Variants in MBP observed in about 807,000 individuals in gnomAD.
MBP encodes the protein Golli-MBP.
MBP carries 16 observed loss-of-function variants against 35.8 expected under a neutral mutation model. The observed-to-expected ratio is 0.45, with a 90% confidence interval of 0.30 to 0.68. MBP has a LOEUF of 0.68. MBP is among the 30% of genes least tolerant of loss of function. The pLI is 0.08. For missense variants in MBP, 380 were observed against 404.7 expected, an observed-to-expected ratio of 0.94 and a Z score of 0.52; for synonymous variants, 143 against 159.6, an observed-to-expected ratio of 0.90 and a Z score of 0.78.
At chr18:76,995,587 T>C (rs2123214814) in intron 4 of MBP, among the ~76,000 whole-genome samples, 1 of 151,474 alleles carries the variant, frequency 6.6e-6, no homozygotes, top group South Asian at 2.2e-4. Context: ...CACTGTCTTC[T>C]CAACAAACAG....
chr18:77,078,820 T>C (rs540492316), intron 2 of MBP, among the ~76,000 whole-genome samples: 122 of 152,304 alleles, frequency 8.0e-4, no homozygotes, highest in African/African-American at 2.8e-3. Flanking sequence ...ACTCCACCAA[T>C]GAGGATGCCC....
At position 77,131,901 on chromosome 18, in the gene MBP, G is replaced by C. The variant is rs968382622; in HGVS notation, c.-26+679C>G. Among the ~76,000 whole-genome samples, 2 of 152,086 alleles carry C rather than the reference G, an allele frequency of 1.3e-5. No homozygotes were observed. The highest frequency in any genetic ancestry group is 2.4e-5 in the African/African-American group (1 of 41,446). ...GGTGGGCGCAGCGACGGGCCCGGCC[G>C]AAGAGCCCGAGACAGGCCCTGCGAA... On this transcript the variant is annotated intron_variant, in intron 1 of 8. Coordinates refer to ENST00000355994, the MANE Select transcript of MBP (RefSeq NM_001025101.2). The surrounding 1 kb of genome is among the most constrained non-coding windows in gnomAD (Gnocchi z 5.5).
intron 1 of MBP, among the ~76,000 whole-genome samples, chr18:77,122,491 G>A (rs190124550): frequency 6.6e-6 from 1 of 151,732 alleles, no homozygotes; most frequent in Non-Finnish European, 1.5e-5. Flanking sequence ...AGTGGGAAGT[G>A]AACTGCGGCA....
chr18:76,984,676 G>A, intron 8 of MBP, 99 bp downstream of exon 8: 4 of 1,550,644 alleles, frequency 2.6e-6, no homozygotes, highest in South Asian at 2.3e-5. Flanking sequence ...GTACAGTGCG[G>A]CTGAGCCAGA....
intron 3 of MBP, among the ~76,000 whole-genome samples, chr18:77,048,408 C>T (rs750776544): frequency 3.3e-5 from 5 of 152,176 alleles, no homozygotes; most frequent in East Asian, 1.9e-4. Flanking sequence ...GACCACTGTG[C>T]GAGGCCTTCT....
At chr18:76,994,690 G>C (rs1032918916) in intron 4 of MBP, among the ~76,000 whole-genome samples, 4 of 152,206 alleles carry the variant, frequency 2.6e-5, no homozygotes, top group African/African-American at 9.6e-5. Flanking sequence ...TGAGCTCTTG[G>C]AGCTATTATC....
rs188613650 is a variant in MBP, at chr18:77,059,431, A to G, written c.139+6867T>C. Among the ~76,000 whole-genome samples the G allele has an allele frequency of 3.2e-3, 487 of 151,748 alleles. 2 individuals carry two copies. The highest frequency in any genetic ancestry group is 6.6e-3 in the Admixed American group (100 of 15,258). ...AATTCAATTTGCTGCTTTATTAATT[A>G]TAATGAATTTAAATTATAATAATTT... On this transcript the variant is annotated intron_variant, in intron 3 of 8. Coordinates refer to ENST00000355994, the MANE Select transcript of MBP (RefSeq NM_001025101.2).
At chr18:77,033,169 C>T (rs753894439) in intron 3 of MBP, among the ~76,000 whole-genome samples, 65 of 151,984 alleles carry the variant, frequency 4.3e-4, no homozygotes, top group Non-Finnish European at 7.5e-4. Context: ...GGTTTTGCCA[C>T]ATTGGCCAGG....
intron 2 of MBP, among the ~76,000 whole-genome samples, chr18:77,096,538 A>G (rs935182021): frequency 1.3e-5 from 2 of 152,206 alleles, no homozygotes; most frequent in Non-Finnish European, 2.9e-5. Context: ...TTTACATATG[A>G]TTTTACAGGC....
intron 2 of MBP, among the ~76,000 whole-genome samples, chr18:77,089,768 A>T (rs1311967038): frequency 6.6e-6 from 1 of 150,482 alleles, no homozygotes; most frequent in Non-Finnish European, 1.5e-5. Flanking sequence ...CAGCAAAAAT[A>T]CAGCATAGGG....
At chr18:77,099,030 C>G (rs1220602698) in intron 2 of MBP, among the ~76,000 whole-genome samples, 2 of 151,758 alleles carry the variant, frequency 1.3e-5, no homozygotes, top group African/African-American at 2.4e-5. Flanking sequence ...TCCTCCTCAT[C>G]TTTATCGACC....
At chr18:77,016,203 A>G (rs1971620871) in intron 4 of MBP, 1 of 984,696 alleles carries the variant, frequency 1.0e-6, no homozygotes, top group Non-Finnish European at 1.2e-6. Flanking sequence ...TTGAATAAAG[A>G]AACTTCTAAG....
chr18:77,011,338 G>T (rs1044606430), intron 4 of MBP, among the ~76,000 whole-genome samples: 3 of 152,228 alleles, frequency 2.0e-5, no homozygotes, highest in Non-Finnish European at 2.9e-5. Flanking sequence ...TGGTGTCCAT[G>T]AGCGTGAGCA....
intron 3 of MBP, among the ~76,000 whole-genome samples, chr18:77,033,430 A>G (rs943301213): frequency 6.6e-6 from 1 of 152,104 alleles, no homozygotes; most frequent in Non-Finnish European, 1.5e-5. Context: ...ATGTCATAAA[A>G]TGTCCTTGGT....
rs1002461132 is a variant in MBP, at chr18:77,012,708, G to A, written c.576+4124C>T. On this transcript the variant is annotated intron_variant, in intron 4 of 8. Transcript: ENST00000355994. ...TGTGTCACCAGGCCACAAAAATGCC[G>A]GCAACACAGCACACTGACGTGGTGG... The A allele has an allele frequency of 8.0e-6, 7 of 874,830 alleles. No individual in the cohort carries two copies. In the South Asian group the frequency reaches 1.6e-4, roughly 20 times the overall value. 54.2% of individuals were successfully genotyped at this position (874,830 alleles called of 1,614,324 possible). A position where few individuals can be genotyped will look rare whatever the true frequency, so the allele number is the denominator to read the frequency against.
chr18:77,124,572 G>C (rs1221812882), intron 1 of MBP, among the ~76,000 whole-genome samples: 2 of 152,198 alleles, frequency 1.3e-5, no homozygotes, highest in Non-Finnish European at 2.9e-5. Flanking sequence ...ACTGGCCTGG[G>C]TGCCTGTCTC....
intron 4 of MBP, among the ~76,000 whole-genome samples, chr18:76,992,015 C>A (rs1424295519): frequency 6.6e-6 from 1 of 152,182 alleles, no homozygotes; most frequent in East Asian, 1.9e-4. Flanking sequence ...CTGCGTTTCG[C>A]CCAGCACCGA....
At chr18:77,066,167 GT>G in intron 3 of MBP, 130 bp downstream of exon 3, 1 of 674,816 alleles carries the variant, frequency 1.5e-6, no homozygotes, top group South Asian at 1.8e-5. Context: ...CAGCCTCTAT[GT>G]TTTAGTAATG....
intron 1 of MBP, among the ~76,000 whole-genome samples, chr18:77,128,805 A>G (rs957721972): frequency 1.3e-5 from 2 of 152,160 alleles, no homozygotes; most frequent in African/African-American, 4.8e-5. Flanking sequence ...CCTAGAGGAG[A>G]TACCTAGAAG....
Sources: allele counts gnomAD v4.1 joint callset (sites outside exome capture counted in the v4.1 genomes callset), GRCh38; gene constraint gnomAD v4.1.1; non-coding constraint Gnocchi (gnomAD v3.1); transcripts MANE v1.5; gene names NCBI Gene and HGNC (gene_info 2026-07-23, HGNC 2026-07-21).